Variants in ATXN10 observed in about 807,000 individuals in gnomAD.
The protein encoded by ATXN10 is ataxin 10.
Under a neutral mutation model 52.9 loss-of-function variants are expected in ATXN10, and 28 were observed. The observed-to-expected ratio is 0.53, with a 90% CI of 0.39 to 0.73. The LOEUF (loss-of-function observed/expected upper bound fraction) is 0.73, where lower values mean the gene tolerates loss of function less well. Among genes scored for constraint, ATXN10 ranks in the 30% least tolerant of loss-of-function variants. The probability of loss-of-function intolerance (pLI) is 0.00; values close to 1 mark genes in which losing one functional copy is unlikely to be tolerated. For missense variants in ATXN10, 565 were observed against 577.0 expected (o/e 0.98, Z 0.21); for synonymous variants, 226 against 221.5 (o/e 1.02, Z -0.18).
chr22:45,747,689 A>C (rs1483717076), intron 9 of ATXN10, among the ~76,000 whole-genome samples: 1 of 152,164 alleles, frequency 6.6e-6, no homozygotes, highest in Non-Finnish European at 1.5e-5. Context: ...ACCATCTATT[A>C]ACTGTTTAAA....
intron 4 of ATXN10, among the ~76,000 whole-genome samples, chr22:45,702,029 T>C (rs1197896192): frequency 6.6e-6 from 1 of 152,224 alleles, no homozygotes; most frequent in Non-Finnish European, 1.5e-5. Context: ...TGAATTCCAG[T>C]TTTGTCAGGT....
rs79018887 is a variant in ATXN10 at position 45,720,568 on chromosome 22, G to C, written c.728+2075G>C. ...AAGGATGTTCACATTGCTGTGCAGT[G>C]AACCTCTGGAACTTTTTCATCTTGT... is the stretch of plus-strand genomic sequence containing the variant. On this transcript the variant is annotated intron_variant, in intron 6 of 11. Coordinates refer to ENST00000252934, the MANE Select transcript of ATXN10 (RefSeq NM_013236.4). Among the ~76,000 whole-genome samples the C allele has an allele frequency of 7.4e-3, 1,127 of 152,222 alleles. 8 individuals are homozygous for C. The highest frequency in any genetic ancestry group is 0.016 in the African/African-American group (656 of 41,522).
At position 45,718,962 on chromosome 22, in the gene ATXN10, C is replaced by G. The variant is rs751069204; in HGVS notation, c.728+469C>G. On this transcript the variant is annotated intron_variant, in intron 6 of 11. Coordinates refer to ENST00000252934, the MANE Select transcript of ATXN10 (RefSeq NM_013236.4). This position sits in a 1 kb window ranked among gnomAD's most constrained non-coding sequence, Gnocchi z 4.4. ...TTACTGTAGTAGGAAAAACAGTGAC[C>G]TAGGAGTTCTAAGACACTGGCCCTG... is the stretch of plus-strand genomic sequence containing the variant. 6.6e-6 allele frequency among the ~76,000 whole-genome samples: 1 copy of G among 151,886 alleles called. No homozygotes were observed. The highest frequency in any genetic ancestry group is 1.5e-5 in the Non-Finnish European group (1 of 67,972).
rs1569084389 is a variant in ATXN10, at chr22:45,837,862, A to AAC, written c.1238-5128_1238-5127insCA. On this transcript the variant is annotated intron_variant, in intron 10 of 11. Coordinates refer to ENST00000252934, the MANE Select transcript of ATXN10 (RefSeq NM_013236.4). This position sits in a 1 kb window ranked among gnomAD's most constrained non-coding sequence, Gnocchi z 5.8. ...TTTTTCCAATCATCTAAATATATTA[A>AAC]AACTGTTTTTAGTTTGCTGTCATAA... 6.6e-6 allele frequency among the ~76,000 whole-genome samples: 1 copy of AAC among 152,206 alleles called. No homozygotes were observed. Among genetic ancestry groups the AAC allele is most frequent in the Non-Finnish European group, 1.5e-5 (1 of 68,042 alleles).
chr22:45,788,274 C>T lies in ATXN10; in HGVS notation c.1174-18685C>T, dbSNP rs1000125636. 2.0e-5 allele frequency among the ~76,000 whole-genome samples: 3 copies of T among 152,034 alleles called. 1 individual carries two copies. The highest frequency in any genetic ancestry group is 4.2e-4 in the South Asian group (2 of 4,814). On this transcript the variant is annotated intron_variant, in intron 9 of 11. Coordinates refer to ENST00000252934, the MANE Select transcript of ATXN10 (RefSeq NM_013236.4). Reference sequence around the variant, plus strand: ...GTGTCTCGTCTCTAAGTGCCTCCCGCGAAATATGCCCAAACTGTGCCCTTG... The same window carrying T: ...GTGTCTCGTCTCTAAGTGCCTCCCGTGAAATATGCCCAAACTGTGCCCTTG...
intron 9 of ATXN10, among the ~76,000 whole-genome samples, chr22:45,779,686 G>A (rs763371177): frequency 1.8e-4 from 28 of 152,210 alleles, no homozygotes; most frequent in Admixed American, 1.2e-3. Flanking sequence ...TGAAAGCACA[G>A]ATGCTGTGAA....
At position 45,727,145 on chromosome 22, in the gene ATXN10, T is replaced by C. The variant is rs1293424082; in HGVS notation, c.729-2280T>C. ...TAAATTATATCTCTGTTATCATTTATTTTGAATAACTTTTAAATGTCCGTC... is the reference window on the plus strand; with the variant it reads ...TAAATTATATCTCTGTTATCATTTACTTTGAATAACTTTTAAATGTCCGTC... On this transcript the variant is annotated intron_variant, in intron 6 of 11. Coordinates refer to ENST00000252934, the MANE Select transcript of ATXN10 (RefSeq NM_013236.4). The surrounding 1 kb of genome is among the most constrained non-coding windows in gnomAD (Gnocchi z 4.6). Among the ~76,000 whole-genome samples, 1 of 152,228 alleles carries C rather than the reference T, an allele frequency of 6.6e-6. No individual in the cohort carries two copies. The highest frequency in any genetic ancestry group is 1.5e-5 in the Non-Finnish European group (1 of 68,040).
intron 9 of ATXN10, among the ~76,000 whole-genome samples, chr22:45,806,427 A>G (rs1018184652): frequency 6.6e-6 from 1 of 152,182 alleles, no homozygotes; most frequent in Non-Finnish European, 1.5e-5. Flanking sequence ...TTCTTTATAT[A>G]TTAAAATATT....
rs557970837 is a variant in ATXN10 at position 45,732,230 on chromosome 22, G to A, written c.894+2640G>A. 7.2e-5 allele frequency among the ~76,000 whole-genome samples: 11 copies of A among 152,246 alleles called. No individual in the cohort carries two copies. On this transcript the variant is annotated intron_variant, in intron 7 of 11. Coordinates refer to ENST00000252934, the MANE Select transcript of ATXN10 (RefSeq NM_013236.4). This position sits in a 1 kb window ranked among gnomAD's most constrained non-coding sequence, Gnocchi z 4.5. ...ACTTTGGGACGCCAAGGCGTGGGAG[G>A]ATTGCTTAAGCCCAGGAGTTGGAGA...
chr22:45,838,565 A>G (rs1325509205), intron 10 of ATXN10, among the ~76,000 whole-genome samples: 1 of 152,242 alleles, frequency 6.6e-6, no homozygotes, highest in Non-Finnish European at 1.5e-5. Flanking sequence ...AGACTTTAGA[A>G]GATGTTTAAT....
intron 9 of ATXN10, among the ~76,000 whole-genome samples, chr22:45,785,581 G>A (rs1927295116): frequency 6.6e-6 from 1 of 152,324 alleles, no homozygotes; most frequent in African/African-American, 2.4e-5. Context: ...CCGTTTACTA[G>A]AATGACACCT....
At position 45,821,504 on chromosome 22, in the gene ATXN10, C is replaced by T. The variant is rs547388273; in HGVS notation, c.1237+14482C>T. 2.0e-5 allele frequency among the ~76,000 whole-genome samples: 3 copies of T among 152,272 alleles called. No homozygotes were observed. In the South Asian group the frequency reaches 6.2e-4, roughly 32 times the overall value. On this transcript the variant is annotated intron_variant, in intron 10 of 11. Transcript: ENST00000252934. ...GGTTTCTGATGCAGAAAAAGCAAGT[C>T]AGGCATCTGAGCTGGGAAGGCACTG...
In ATXN10 at chr22:45,740,516, A is replaced by G. The variant is rs1032633549; in HGVS notation, c.1151A>G (p.Lys384Arg). ...CGTCTGATTGGAAATCTGTGTTACA[A>G]GAATAAAGATAACCAAGACAAGGTA... The part of the protein sequence containing the change: ...LIRLIGNLCY[K>R]NKDNQDKVNE... The change falls in exon 9 of 12, where the codon AAG becomes AGG. Residue 384 changes from lysine (K) to arginine (R), a missense_variant. Physicochemically the swap from Lys to Arg is conservative, Grantham distance 26. Transcript: ENST00000252934. 2 of 1,613,904 alleles carry G rather than the reference A, an allele frequency of 1.2e-6. No homozygotes were observed. Among genetic ancestry groups the G allele is most frequent in the African/African-American group, 1.3e-5 (1 of 75,014 alleles).
chr22:45,750,729 G>T lies in ATXN10; in HGVS notation c.1173+10191G>T, dbSNP rs17573677. 0.083 allele frequency among the ~76,000 whole-genome samples: 12,609 copies of T among 152,228 alleles called. 669 individuals are homozygous for T. Among genetic ancestry groups the T allele is most frequent in the Middle Eastern group, 0.16 (47 of 294 alleles). ...ACAATTTACAAAAGTTTATAGGTTA[G>T]TGGAGGCAGACATAGTTTCCAAACA... On this transcript the variant is annotated intron_variant, in intron 9 of 11. Transcript: ENST00000252934. The surrounding 1 kb of genome is among the most constrained non-coding windows in gnomAD (Gnocchi z 4.2).
At chr22:45,782,451 T>C (rs1006834660) in intron 9 of ATXN10, among the ~76,000 whole-genome samples, 2 of 152,200 alleles carry the variant, frequency 1.3e-5, no homozygotes, top group Admixed American at 1.3e-4. Context: ...ATTATGGTAT[T>C]CATTCAGCGG....
In ATXN10 at chr22:45,718,448, C is replaced by T. The variant is rs980272538; in HGVS notation, c.683C>T (p.Pro228Leu). The change falls in exon 6 of 12, where the codon CCG becomes CTG. Residue 228 changes from proline to leucine, a missense_variant. By Grantham distance (98) the Pro-to-Leu change is moderately conservative. Coordinates refer to ENST00000252934, the MANE Select transcript of ATXN10 (RefSeq NM_013236.4). The surrounding 1 kb of genome is among the most constrained non-coding windows in gnomAD (Gnocchi z 4.4). ...ATTACAGACCTCTTTCTGAAAAGCC[C>T]GGAATTGGTACAAGCCATGTTTCCC... is the stretch of plus-strand genomic sequence containing the variant. ...LIITDLFLKS[P>L]ELVQAMFPKL... 8.7e-6 allele frequency: 14 copies of T among 1,613,434 alleles called. No homozygotes were observed. Among genetic ancestry groups the T allele is most frequent in the Admixed American group, 6.7e-5 (4 of 59,956 alleles).
At position 45,805,906 on chromosome 22, in the gene ATXN10, T is replaced by A. The variant is rs1928084538; in HGVS notation, c.1174-1053T>A. On this transcript the variant is annotated intron_variant, in intron 9 of 11. Transcript: ENST00000252934. The surrounding 1 kb of genome is among the most constrained non-coding windows in gnomAD (Gnocchi z 4.4). ...GGCCAGGCACAGTCACTCATGCCGA[T>A]AATCCCAGTGCTTTGGGAGACCAAG... Among the ~76,000 whole-genome samples, 1 of 152,196 alleles carries A rather than the reference T, an allele frequency of 6.6e-6. No individual in the cohort carries two copies. Among genetic ancestry groups the A allele is most frequent in the Non-Finnish European group, 1.5e-5 (1 of 68,024 alleles).
At position 45,825,294 on chromosome 22, in the gene ATXN10, A is replaced by G. The variant is rs1928779527; in HGVS notation, c.1238-17697A>G. Among the ~76,000 whole-genome samples, 1 of 152,234 alleles carries G rather than the reference A, an allele frequency of 6.6e-6. No homozygotes were observed. The highest frequency in any genetic ancestry group is 1.5e-5 in the Non-Finnish European group (1 of 68,044). On this transcript the variant is annotated intron_variant, in intron 10 of 11. Coordinates refer to ENST00000252934, the MANE Select transcript of ATXN10 (RefSeq NM_013236.4). The surrounding 1 kb of genome is among the most constrained non-coding windows in gnomAD (Gnocchi z 4.5). ...GCTGAAGTGGCTTTCTGGGTATTTAAAAGGCCAGCACCCTTTTTCCCTCTT... is the reference window on the plus strand; with the variant it reads ...GCTGAAGTGGCTTTCTGGGTATTTAGAAGGCCAGCACCCTTTTTCCCTCTT...
intron 9 of ATXN10, among the ~76,000 whole-genome samples, chr22:45,800,816 A>C (rs1178671691): frequency 6.6e-6 from 1 of 152,220 alleles, no homozygotes; most frequent in Non-Finnish European, 1.5e-5. Context: ...CTTTTCATTA[A>C]ACCCATTTGT....
Sources: gnomAD v4.1 joint callset for allele counts (sites outside exome capture counted in the v4.1 genomes callset) on GRCh38, gnomAD v4.1.1 for gene constraint, Gnocchi (gnomAD v3.1) non-coding constraint, MANE v1.5 for transcripts, NCBI Gene and HGNC (gene_info 2026-07-23, HGNC 2026-07-21) for gene names.